Variants in TBL1XR1 observed in about 807,000 individuals in gnomAD.
The protein encoded by TBL1XR1 is TBL1X/Y related 1.
TBL1XR1 carries 5 observed loss-of-function variants against 66.9 expected under a neutral mutation model. The ratio of observed to expected loss-of-function variants is 0.07; its 90% CI spans 0.04 to 0.16. The LOEUF (loss-of-function observed/expected upper bound fraction) is 0.16, where lower values mean the gene tolerates loss of function less well. Among genes scored for constraint, TBL1XR1 ranks in the 10% least tolerant of loss-of-function variants. The pLI, the probability that TBL1XR1 is intolerant of heterozygous loss-of-function variation, is 1.00. For synonymous variants in TBL1XR1, 210 were observed against 206.0 expected (o/e 1.02, Z -0.17); for missense variants, 238 against 623.2 (o/e 0.38, Z 6.58).
intron 1 of TBL1XR1, among the ~76,000 whole-genome samples, chr3:177,175,449 A>C (rs774112610): frequency 4.5e-4 from 68 of 152,248 alleles, no homozygotes; most frequent in Non-Finnish European, 8.5e-4. Context: ...TATCTAAAAA[A>C]TATTTTGAGA....
intron 1 of TBL1XR1, among the ~76,000 whole-genome samples, chr3:177,100,805 G>A (rs1724103358): frequency 6.6e-6 from 1 of 151,844 alleles, no homozygotes; most frequent in African/African-American, 2.4e-5. Context: ...ATAATAGCAA[G>A]TGAAGAGTTC....
chr3:177,126,255 C>A (rs1475771409), intron 1 of TBL1XR1: 1 of 151,960 alleles, frequency 6.6e-6, no homozygotes, highest in Non-Finnish European at 1.5e-5. Flanking sequence ...AGCCAAGAAT[C>A]TGCATTTCCA....
At chr3:177,161,766 A>T (rs151240805) in intron 1 of TBL1XR1, among the ~76,000 whole-genome samples, 1 of 149,574 alleles carries the variant, frequency 6.7e-6, no homozygotes, top group Non-Finnish European at 1.5e-5. Flanking sequence ...CTTGGGTGAC[A>T]GAGTGAGACT....
intron 2 of TBL1XR1, among the ~76,000 whole-genome samples, chr3:177,065,726 G>T (rs1213301236): frequency 6.6e-6 from 1 of 152,188 alleles, no homozygotes; most frequent in South Asian, 2.1e-4. Flanking sequence ...GAGAGGTCAG[G>T]AAACTTTTAT....
chr3:177,071,031 G>GTTTTTTTTTTTTTTTTTTT lies in TBL1XR1; in HGVS notation c.-45-6010_-45-6009insAAAAAAAAAAAAAAAAAAA, dbSNP rs764951521. On this transcript the variant is annotated intron_variant, in intron 2 of 15. Coordinates refer to ENST00000457928, the MANE Select transcript of TBL1XR1 (RefSeq NM_024665.7). The stretch of plus-strand genomic sequence containing the variant: ...TGGAACAGACATGTTCTGAGAATCT[G>GTTTTTTTTTTTTTTTTTTT]TTTTTTTTTTTTTTTTTGAGACAGA... 7.7e-4 allele frequency among the ~76,000 whole-genome samples: 81 copies of GTTTTTTTTTTTTTTTTTTT among 104,682 alleles called. 8 individuals are homozygous for GTTTTTTTTTTTTTTTTTTT. The highest frequency in any genetic ancestry group is 2.4e-3 in the African/African-American group (62 of 25,842). 68.7% of individuals were successfully genotyped at this position (104,682 alleles called of 152,430 possible).
At chr3:177,199,314 T>C (rs1737290988), upstream of TBL1XR1, among the ~76,000 whole-genome samples, 1 of 152,112 alleles carries the variant, frequency 6.6e-6, no homozygotes, top group Admixed American at 6.5e-5. Flanking sequence ...GAGGCTTGTT[T>C]ACCTCAGAAC....
At chr3:177,171,658 G>A (rs1024037636) in intron 1 of TBL1XR1, among the ~76,000 whole-genome samples, 3 of 118,896 alleles carry the variant, frequency 2.5e-5, no homozygotes, top group Admixed American at 2.5e-4. Context: ...AGCCAAGATC[G>A]CCCCACTGCA....
chr3:177,155,357 G>A (rs983073784), intron 1 of TBL1XR1, among the ~76,000 whole-genome samples: 5 of 152,098 alleles, frequency 3.3e-5, no homozygotes, highest in African/African-American at 7.2e-5. Context: ...AAAAAACATA[G>A]CCACAGACTC....
chr3:177,140,667 T>C (rs1729529056), intron 1 of TBL1XR1, among the ~76,000 whole-genome samples: 1 of 152,212 alleles, frequency 6.6e-6, no homozygotes, highest in Non-Finnish European at 1.5e-5. Flanking sequence ...AAAACAACAG[T>C]ATACCCTTGT....
intron 2 of TBL1XR1, among the ~76,000 whole-genome samples, chr3:177,070,933 T>C (rs983518293): frequency 3.9e-5 from 6 of 152,230 alleles, no homozygotes; most frequent in African/African-American, 1.4e-4. Context: ...TGAGTGTGTC[T>C]GAATAGGAAT....
intron 1 of TBL1XR1, among the ~76,000 whole-genome samples, chr3:177,119,170 C>T (rs1379152861): frequency 2.6e-5 from 4 of 152,082 alleles, no homozygotes; most frequent in Non-Finnish European, 5.9e-5. Context: ...TGGGGTTTCA[C>T]CATGTTGGCC....
At chr3:177,129,760 A>G (rs550077723) in intron 1 of TBL1XR1, among the ~76,000 whole-genome samples, 5 of 152,334 alleles carry the variant, frequency 3.3e-5, no homozygotes, top group East Asian at 3.9e-4. Context: ...AAGAAGTTTT[A>G]TAACACTCTA....
At chr3:177,159,587 A>G (rs1006926606) in intron 1 of TBL1XR1, among the ~76,000 whole-genome samples, 1 of 152,226 alleles carries the variant, frequency 6.6e-6, no homozygotes, top group Non-Finnish European at 1.5e-5. Context: ...TCTTAAAATA[A>G]GCACCAAATT....
rs1346859490 is a variant in TBL1XR1 at position 177,051,651 on chromosome 3, T to G, written c.280A>C (p.Thr94Pro). The G allele has an allele frequency of 6.2e-7, 1 of 1,613,450 alleles. No homozygotes were observed. Among genetic ancestry groups the G allele is most frequent in the African/African-American group, 1.3e-5 (1 of 74,812 alleles). Residue 94 changes from threonine to proline, a missense_variant, in exon 5 of 16, where the codon ACA becomes CCA. Coordinates refer to ENST00000457928, the MANE Select transcript of TBL1XR1 (RefSeq NM_024665.7). Reference sequence around the variant, plus strand: ...TTATCTCTATAAGCTTGTTGTCTTGTTTGTACTACATCAGGCATTACGGCA... The same window carrying G: ...TTATCTCTATAAGCTTGTTGTCTTGGTTGTACTACATCAGGCATTACGGCA... ...IDAVMPDVVQTRQQAYRDKLA... is the reference protein window; with the variant it reads ...IDAVMPDVVQPRQQAYRDKLA...
At position 177,025,382 on chromosome 3, in the gene TBL1XR1, T is replaced by G. The variant is rs1435477054; in HGVS notation, c.*116A>C. 9.8e-7 allele frequency: 1 copy of G among 1,018,114 alleles called. No homozygotes were observed. The highest frequency in any genetic ancestry group is 1.6e-5 in the African/African-American group (1 of 61,702). The allele number at this position is 1,018,114 out of a possible 1,614,324, so 63.1% of individuals were successfully genotyped here. On this transcript the variant is annotated 3_prime_UTR_variant, in exon 16 of 16. Transcript: ENST00000457928. ...CTGTATGTATATATTTCTTTTAGAT[T>G]TGGCTGTAGTGGACTGGCCATGGTT... is the stretch of plus-strand genomic sequence containing the variant.
intron 14 of TBL1XR1, among the ~76,000 whole-genome samples, chr3:177,028,182 T>G (rs1713426994): frequency 6.6e-6 from 1 of 152,154 alleles, no homozygotes; most frequent in African/African-American, 2.4e-5. Context: ...ATCAAATGCT[T>G]AGGCAACTCA....
chr3:177,121,970 C>T (rs535463410), intron 1 of TBL1XR1, among the ~76,000 whole-genome samples: 3 of 152,280 alleles, frequency 2.0e-5, no homozygotes, highest in Admixed American at 6.5e-5. Flanking sequence ...GCAAGAGCAA[C>T]CCTCATCCCA....
chr3:177,039,325 T>C (rs929791729), intron 10 of TBL1XR1, among the ~76,000 whole-genome samples: 1 of 152,190 alleles, frequency 6.6e-6, no homozygotes, highest in Non-Finnish European at 1.5e-5. Flanking sequence ...AGATCATGTG[T>C]GTGGAAGTAC....
intron 1 of TBL1XR1, among the ~76,000 whole-genome samples, chr3:177,141,338 C>G (rs898618132): frequency 1.3e-5 from 2 of 152,028 alleles, no homozygotes; most frequent in Non-Finnish European, 2.9e-5. Flanking sequence ...TATGGTAAGT[C>G]AGAATACCAG....
Sources: gnomAD v4.1 joint callset for allele counts (sites outside exome capture counted in the v4.1 genomes callset) on GRCh38, gnomAD v4.1.1 for gene constraint, MANE v1.5 for transcripts, NCBI Gene and HGNC (gene_info 2026-07-23, HGNC 2026-07-21) for gene names.